RORA: variants seen among roughly 807,000 people sequenced by gnomAD.
The protein encoded by RORA is nuclear receptor ROR-alpha.
RORA carries 7 observed loss-of-function variants against 69.5 expected under a neutral mutation model. That is an observed-to-expected ratio of 0.10 (90% CI 0.06 to 0.19). RORA has a LOEUF of 0.19. Ranked by LOEUF, RORA falls within the 10% of genes least tolerant of loss-of-function variation. RORA has a pLI of 1.00. For missense variants in RORA, 457 were observed against 663.0 expected (o/e 0.69, Z 3.41); for synonymous variants, 261 against 240.8 (o/e 1.08, Z -0.78).
At chr15:60,601,812 A>C (rs572555624) in intron 2 of RORA, among the ~76,000 whole-genome samples, 1 of 152,310 alleles carries the variant, frequency 6.6e-6, no homozygotes, top group South Asian at 2.1e-4. Flanking sequence ...TTATTAAGTG[A>C]CTGTAGTTAT....
intron 2 of RORA, among the ~76,000 whole-genome samples, chr15:60,610,911 G>C (rs1053368815): frequency 5.3e-5 from 8 of 152,118 alleles, no homozygotes; most frequent in Non-Finnish European, 1.2e-4. Context: ...TTTTCATGCA[G>C]ATCATTGTCG....
At chr15:60,653,336 T>G (rs1288753354) in intron 2 of RORA, among the ~76,000 whole-genome samples, 1 of 151,750 alleles carries the variant, frequency 6.6e-6, no homozygotes, top group Non-Finnish European at 1.5e-5. Context: ...TGTGCGTATT[T>G]GAACATGTTC....
chr15:60,960,484 G>C (rs190178379), intron 1 of RORA, among the ~76,000 whole-genome samples: 1 of 152,120 alleles, frequency 6.6e-6, no homozygotes, highest in African/African-American at 2.4e-5. Context: ...TCAAAAAATA[G>C]TCTTTGGCCT....
At chr15:60,979,509 A>G (rs1412976149) in intron 1 of RORA, among the ~76,000 whole-genome samples, 1 of 151,216 alleles carries the variant, frequency 6.6e-6, no homozygotes, top group Non-Finnish European at 1.5e-5. Flanking sequence ...TTCTTTCAAA[A>G]CTCTTTTGTA....
intron 1 of RORA, among the ~76,000 whole-genome samples, chr15:61,184,250 C>T (rs576588473): frequency 1.6e-4 from 24 of 152,290 alleles, no homozygotes; most frequent in South Asian, 1.2e-3. Flanking sequence ...ACACACTGAA[C>T]GCTGAGAAGC....
chr15:60,826,607 C>T (rs146658398), intron 1 of RORA, among the ~76,000 whole-genome samples: 53 of 151,626 alleles, frequency 3.5e-4, no homozygotes, highest in African/African-American at 1.2e-3. Flanking sequence ...GCTACTAAAA[C>T]TCATTTGACA....
chr15:60,988,873 C>T (rs961004904), intron 1 of RORA, among the ~76,000 whole-genome samples: 1 of 151,148 alleles, frequency 6.6e-6, no homozygotes, highest in Non-Finnish European at 1.5e-5. Flanking sequence ...ACTATGATCT[C>T]ACTGTCTTTT....
intron 1 of RORA, among the ~76,000 whole-genome samples, chr15:60,739,877 C>T (rs368653653): frequency 6.6e-5 from 10 of 152,182 alleles, no homozygotes; most frequent in South Asian, 4.2e-4. Context: ...TGCTCTTTTT[C>T]CCATGTTAAC....
chr15:60,944,445 G>A (rs185359723), intron 1 of RORA, among the ~76,000 whole-genome samples: 3 of 152,204 alleles, frequency 2.0e-5, no homozygotes, highest in East Asian at 1.9e-4. Flanking sequence ...AGCGAGATGC[G>A]GTGGCTCAAG....
intron 1 of RORA, among the ~76,000 whole-genome samples, chr15:60,990,530 A>G (rs1484900554): frequency 6.6e-6 from 1 of 152,234 alleles, no homozygotes; most frequent in Admixed American, 6.5e-5. Context: ...ATGGCTGATC[A>G]AACAGCCAAT....
chr15:61,222,706 A>C (rs2080109360), intron 1 of RORA, among the ~76,000 whole-genome samples: 1 of 152,250 alleles, frequency 6.6e-6, no homozygotes, highest in Non-Finnish European at 1.5e-5. Context: ...TGAGAAAGTC[A>C]GCTTCTGATG....
At chr15:61,021,726 G>C (rs1566946798) in intron 1 of RORA, among the ~76,000 whole-genome samples, 1 of 152,192 alleles carries the variant, frequency 6.6e-6, no homozygotes, top group African/African-American at 2.4e-5. Flanking sequence ...TATGGTGAGG[G>C]CAATGATATA....
At chr15:60,841,067 T>G in intron 1 of RORA, 1 of 984,456 alleles carries the variant, frequency 1.0e-6, no homozygotes, top group Non-Finnish European at 1.2e-6. Context: ...TCAGCGTACT[T>G]ACCAAATGTT....
chr15:60,756,130 T>C (rs556812741), intron 1 of RORA, among the ~76,000 whole-genome samples: 69 of 152,214 alleles, frequency 4.5e-4, no homozygotes, highest in African/African-American at 1.6e-3. Flanking sequence ...TCATTAAAGG[T>C]GATAATAGCA....
chr15:61,221,028 G>T (rs1283955855), intron 1 of RORA, among the ~76,000 whole-genome samples: 1 of 152,092 alleles, frequency 6.6e-6, no homozygotes, highest in East Asian at 1.9e-4. Context: ...ACTTCACCCA[G>T]TGAAACACAC....
chr15:60,880,455 A>T (rs1235248968), intron 1 of RORA, among the ~76,000 whole-genome samples: 1 of 152,174 alleles, frequency 6.6e-6, no homozygotes, highest in Non-Finnish European at 1.5e-5. Flanking sequence ...CCGGGCCAAC[A>T]CGGTGAAACC....
At chr15:60,784,110 T>C (rs1246570824) in intron 1 of RORA, among the ~76,000 whole-genome samples, 1 of 152,148 alleles carries the variant, frequency 6.6e-6, no homozygotes, top group African/African-American at 2.4e-5. Flanking sequence ...ACATAATAAG[T>C]TTCCACGAAG....
chr15:60,943,940 A>AAAAAAAAAAAAAAAT (rs397950785), intron 1 of RORA, among the ~76,000 whole-genome samples: 2 of 142,394 alleles, frequency 1.4e-5, no homozygotes, highest in African/African-American at 5.3e-5. Flanking sequence ...AAAAAAAAAA[A>AAAAAAAAAAAAAAAT]GTGAGTAATG....
intron 2 of RORA, among the ~76,000 whole-genome samples, chr15:60,567,110 G>C (rs1017672003): frequency 3.3e-5 from 5 of 151,836 alleles, no homozygotes; most frequent in Admixed American, 3.3e-4. Flanking sequence ...TAACGAGCTA[G>C]CCTATGAGTT....
Sources: allele counts gnomAD v4.1 joint callset (sites outside exome capture counted in the v4.1 genomes callset), GRCh38; gene constraint gnomAD v4.1.1; transcripts MANE v1.5; gene names NCBI Gene and HGNC (gene_info 2026-07-23, HGNC 2026-07-21).